The following KIF15 variants were observed in gnomAD, a reference collection of about 807,000 sequenced individuals.
KIF15 encodes the protein kinesin family member 15, also known as kinesin-like protein KIF15.
KIF15 carries 140 observed loss-of-function variants against 190.6 expected under a neutral mutation model. That is an observed-to-expected ratio of 0.73 (90% CI 0.64 to 0.84). KIF15 has a LOEUF of 0.84. Among genes scored for constraint, KIF15 ranks in the 40% least tolerant of loss-of-function variants. The pLI is 0.00. For synonymous variants in KIF15, 528 were observed against 551.3 expected, an observed-to-expected ratio of 0.96 and a Z score of 0.59; for missense variants, 1,372 against 1,584.4, an observed-to-expected ratio of 0.87 and a Z score of 2.28.
In KIF15 at chr3:44,811,690, A is replaced by C. The variant is rs115293984; in HGVS notation, c.2170-492A>C. ...AGAATCTTATTATAGATCAAATTTT[A>C]GACAGTTTTTAATATATTTGAAATA... On this transcript the variant is annotated intron_variant, in intron 17 of 34. Transcript: ENST00000326047. 5.9e-3 allele frequency among the ~76,000 whole-genome samples: 892 copies of C among 152,328 alleles called. 5 individuals are homozygous for C. The highest frequency in any genetic ancestry group is 0.019 in the African/African-American group (810 of 41,578).
At chr3:44,768,518 T>A (rs779441695) in intron 1 of KIF15, among the ~76,000 whole-genome samples, 51 of 151,468 alleles carry the variant, frequency 3.4e-4, no homozygotes, top group Non-Finnish European at 6.2e-4. Context: ...TCCACTCCAT[T>A]CTCCCAGGGC....
At chr3:44,764,415 A>G (rs1197886868) in intron 1 of KIF15, among the ~76,000 whole-genome samples, 6 of 152,118 alleles carry the variant, frequency 3.9e-5, no homozygotes, top group Admixed American at 1.3e-4. Context: ...ATCATTGTCC[A>G]TCATTGTATG....
intron 20 of KIF15, among the ~76,000 whole-genome samples, chr3:44,824,884 CA>C (rs1400638607): frequency 6.6e-6 from 1 of 152,158 alleles, no homozygotes; most frequent in African/African-American, 2.4e-5. Context: ...CTCAGCTCCC[CA>C]CATAGCTGGG....
rs546783608 is a variant in KIF15 at position 44,780,908 on chromosome 3, C to T, written c.347C>T (p.Thr116Ile). ...FAYGQTGSGK[T>I]FTMMGPSESD... ...AGTGGACAGACTGGCTCAGGGAAGACATTTACTATGATGGGTAAGTAAAGA... is the reference window on the plus strand; with the variant it reads ...AGTGGACAGACTGGCTCAGGGAAGATATTTACTATGATGGGTAAGTAAAGA... Residue 116 changes from threonine to isoleucine, a missense_variant, in exon 5 of 35, where the codon ACA becomes ATA. Coordinates refer to ENST00000326047, the MANE Select transcript of KIF15 (RefSeq NM_020242.3). 6.2e-7 allele frequency: 1 copy of T among 1,601,374 alleles called. No homozygotes were observed. The highest frequency in any genetic ancestry group is 1.7e-5 in the Admixed American group (1 of 59,040).
At chr3:44,868,037 G>A (rs571817931) in intron 6 of KIF15, among the ~76,000 whole-genome samples, 4 of 152,130 alleles carry the variant, frequency 2.6e-5, no homozygotes, top group Admixed American at 1.3e-4. Context: ...CAAAGTTTTC[G>A]ACCATTACCG....
At chr3:44,866,820 T>C (rs1699327564) in intron 6 of KIF15, among the ~76,000 whole-genome samples, 1 of 152,200 alleles carries the variant, frequency 6.6e-6, no homozygotes, top group Non-Finnish European at 1.5e-5. Context: ...AGCCCCACCA[T>C]GCTGAGTCCC....
intron 10 of KIF15, chr3:44,799,267 AG>A (rs1707140499): frequency 2.2e-6 from 1 of 456,574 alleles, no homozygotes; most frequent in South Asian, 1.5e-5. Flanking sequence ...CAAAACCAAG[AG>A]CCTTCTACTA....
At chr3:44,855,270 G>A (rs903292156), downstream of KIF15, among the ~76,000 whole-genome samples, 4 of 152,202 alleles carry the variant, frequency 2.6e-5, no homozygotes, top group African/African-American at 9.6e-5. Context: ...CTTCTTAAAG[G>A]TGGAGGAGAT....
At chr3:44,767,099 C>T (rs1450422570) in intron 1 of KIF15, among the ~76,000 whole-genome samples, 8 of 152,124 alleles carry the variant, frequency 5.3e-5, no homozygotes, top group East Asian at 3.9e-4. Context: ...TGTGAGCCAC[C>T]GTGCCCGGCC....
At chr3:44,866,490 T>TTCTCCCCTGGGGTGTCCGA (rs1699323979) in intron 6 of KIF15, among the ~76,000 whole-genome samples, 1 of 152,194 alleles carries the variant, frequency 6.6e-6, no homozygotes, top group Non-Finnish European at 1.5e-5. Context: ...CCTGCCTCAC[T>TTCTCCCCTGGGGTGTCCGA]TCTCCCCTGG....
At chr3:44,769,859 T>TA in intron 1 of KIF15, among the ~76,000 whole-genome samples, 1 of 152,300 alleles carries the variant, frequency 6.6e-6, no homozygotes, top group East Asian at 1.9e-4. Context: ...TGGCTATAGT[T>TA]ATGTTTGCTA....
intron 31 of KIF15, among the ~76,000 whole-genome samples, 155 bp downstream of exon 31, chr3:44,848,212 A>G (rs1490978268): frequency 6.6e-6 from 1 of 152,224 alleles, no homozygotes; most frequent in African/African-American, 2.4e-5. Context: ...ATTAGTATTT[A>G]GACACAGCTG....
intron 7 of KIF15, among the ~76,000 whole-genome samples, chr3:44,790,280 C>T (rs940462678): frequency 2.3e-4 from 35 of 152,096 alleles, no homozygotes; most frequent in Admixed American, 2.0e-4. Flanking sequence ...TGGGTTCAAA[C>T]GATTCTTGTG....
intron 24 of KIF15, 93 bp downstream of exon 24, chr3:44,828,393 GT>G: frequency 2.5e-6 from 2 of 797,576 alleles, no homozygotes; most frequent in Non-Finnish European, 4.3e-6. Flanking sequence ...CACCTCCAGG[GT>G]GACCAATAGA....
intron 20 of KIF15, among the ~76,000 whole-genome samples, chr3:44,820,863 G>T (rs1257434273): frequency 6.6e-6 from 1 of 151,890 alleles, no homozygotes; most frequent in Non-Finnish European, 1.5e-5. Flanking sequence ...ATGAGCTGCC[G>T]GGCACACCTC....
At chr3:44,766,244 G>T (rs1705368490) in intron 1 of KIF15, among the ~76,000 whole-genome samples, 1 of 152,192 alleles carries the variant, frequency 6.6e-6, no homozygotes, top group South Asian at 2.1e-4. Context: ...CAAAATCTCA[G>T]AGCCTGGGGA....
At chr3:44,775,214 T>C (rs2125902998) in intron 2 of KIF15, 40 bp from the exon 3 acceptor site, 1 of 1,521,846 alleles carries the variant, frequency 6.6e-7, no homozygotes, top group African/African-American at 1.4e-5. Flanking sequence ...GTTTTCTTCT[T>C]CAATAAACTG....
intron 16 of KIF15, among the ~76,000 whole-genome samples, chr3:44,808,601 T>G (rs1327904079): frequency 6.6e-6 from 1 of 151,574 alleles, no homozygotes; most frequent in African/African-American, 2.4e-5. Flanking sequence ...TGCTTTTTTT[T>G]TTTTTTTTAA....
chr3:44,852,294 T>G lies in KIF15; in HGVS notation c.4059T>G (p.Ile1353Met), dbSNP rs1317783580. The change falls in exon 34 of 35, where the codon ATT (isoleucine) becomes ATG (methionine). Residue 1353 changes from isoleucine (I) to methionine (M), a missense_variant. Physicochemically the swap from Ile to Met is conservative, Grantham distance 10 (BLOSUM62 1). Transcript: ENST00000326047. ...LVGHQNLHQK[I>M]QYVVRLKKEN... ...GTCACCAAAATTTGCATCAGAAGAT[T>G]CAGTACGTAGTGCGACTAAAGAAGG... 5 of 1,613,522 alleles carry G rather than the reference T, an allele frequency of 3.1e-6. No homozygotes were observed. The highest frequency in any genetic ancestry group is 4.2e-6 in the Non-Finnish European group (5 of 1,179,674).
Sources: gnomAD v4.1 joint callset for allele counts (sites outside exome capture counted in the v4.1 genomes callset) on GRCh38, gnomAD v4.1.1 for gene constraint, MANE v1.5 for transcripts, NCBI Gene and HGNC (gene_info 2026-07-23, HGNC 2026-07-21) for gene names.